The following PRIM2 variants were observed in gnomAD, a reference collection of about 807,000 sequenced individuals.
The protein encoded by PRIM2 is DNA primase subunit 2.
A neutral mutation model predicts 67.3 loss-of-function variants in PRIM2; 39 were observed. That is an observed-to-expected ratio of 0.58 (90% CI 0.45 to 0.76). The LOEUF (loss-of-function observed/expected upper bound fraction) is 0.76. PRIM2 is among the 30% of genes least tolerant of loss of function. PRIM2 has a pLI of 0.00. For synonymous variants in PRIM2, 143 were observed against 198.7 expected (o/e 0.72, Z 2.36); for missense variants, 398 against 598.7 (o/e 0.66, Z 3.50).
At position 57,620,796 on chromosome 6, in the gene PRIM2, T is replaced by C. The variant is rs1472290759; in HGVS notation, c.1231-11337T>C. ...AAAAGGTACAGAACTGCAGAATGCA[T>C]GAGAACTCATCAACCAACAATCTGC... On this transcript the variant is annotated intron_variant, in intron 12 of 13. Transcript: ENST00000615550. Among the ~76,000 whole-genome samples, 3 of 152,250 alleles carry C rather than the reference T, an allele frequency of 2.0e-5. No individual in the cohort carries two copies. In the East Asian group the frequency reaches 5.8e-4, roughly 29 times the overall value.
At chr6:57,465,039 C>T (rs1773140282) in intron 7 of PRIM2, among the ~76,000 whole-genome samples, 1 of 152,118 alleles carries the variant, frequency 6.6e-6, no homozygotes, top group Admixed American at 6.5e-5. Context: ...AAGTCAGGAG[C>T]TTGCTGTAAC....
chr6:57,418,914 C>T (rs1771371798), intron 7 of PRIM2, among the ~76,000 whole-genome samples: 1 of 151,952 alleles, frequency 6.6e-6, no homozygotes, highest in African/African-American at 2.4e-5. Flanking sequence ...GGCTGATGGA[C>T]AAATTGTAGG....
At chr6:57,409,291 T>A (rs1164219092) in intron 7 of PRIM2, among the ~76,000 whole-genome samples, 5 of 152,110 alleles carry the variant, frequency 3.3e-5, no homozygotes, top group African/African-American at 1.2e-4. Flanking sequence ...TTCTTCTGCC[T>A]CGGCCTCCCA....
At chr6:57,330,642 A>G (rs774448103) in intron 5 of PRIM2, among the ~76,000 whole-genome samples, 26 of 152,250 alleles carry the variant, frequency 1.7e-4, no homozygotes, top group Non-Finnish European at 3.1e-4. Flanking sequence ...TTGTCCAGCT[A>G]GAATCTCCAG....
intron 13 of PRIM2, among the ~76,000 whole-genome samples, chr6:57,639,722 T>C (rs1452065685): frequency 1.3e-5 from 2 of 149,370 alleles, no homozygotes; most frequent in Non-Finnish European, 3.0e-5. Context: ...TAACAGGTTC[T>C]GAAACTGAGG....
chr6:57,332,121 T>C (rs1768074811), intron 5 of PRIM2, among the ~76,000 whole-genome samples: 1 of 152,142 alleles, frequency 6.6e-6, no homozygotes, highest in South Asian at 2.1e-4. Context: ...TATTTCAAAG[T>C]ATTCTTTTTT....
chr6:57,232,539 ACT>A, the PRIM2 span, among the ~76,000 whole-genome samples: 1 of 152,058 alleles, frequency 6.6e-6, no homozygotes, highest in Non-Finnish European at 1.5e-5. Context: ...ACAGAGTAAG[ACT>A]CTGTCAAAAA....
chr6:57,484,582 T>A (rs2127406854), intron 7 of PRIM2, among the ~76,000 whole-genome samples: 1 of 152,316 alleles, frequency 6.6e-6, no homozygotes, highest in African/African-American at 2.4e-5. Flanking sequence ...TTCTTTGTTC[T>A]TTTTTAGCCA....
intron 10 of PRIM2, 28 bp downstream of exon 10, chr6:57,537,653 G>C: frequency 7.7e-7 from 1 of 1,302,676 alleles, no homozygotes; most frequent in Non-Finnish European, 1.0e-6. Flanking sequence ...TATCAGAGTG[G>C]TACCTGATAT....
rs570710852 is a variant in PRIM2 at position 57,318,501 on chromosome 6, A to G, written c.56A>G (p.Asn19Ser). ...CTGAGGTTGGCAGGTGACCAGAGGA[A>G]TGCTTCCTACCCTCATTGCCTTCAG... ...RKLRLAGDQR[N>S]ASYPHCLQFY... is the part of the protein sequence containing the mutation. Residue 19 changes from asparagine to serine, a missense_variant, in exon 2 of 14, where the codon AAT (asparagine) becomes AGT (serine). Asn to Ser is a conservative substitution (Grantham distance 46). This residue lies in a region of PRIM2 where 96 missense variants were observed against 98.3 expected (regional missense o/e 0.98). Transcript: ENST00000615550. 56 of 1,609,052 alleles carry G rather than the reference A, an allele frequency of 3.5e-5. No homozygotes were observed. The South Asian group carries it at 5.9e-4, about 17-fold the overall frequency.
chr6:57,568,188 A>T (rs1212950049), intron 10 of PRIM2, among the ~76,000 whole-genome samples: 6 of 152,188 alleles, frequency 3.9e-5, no homozygotes, highest in Admixed American at 3.9e-4. Context: ...GTATTTGACC[A>T]CATAAATCAG....
At chr6:57,348,914 T>G (rs1433335000) in intron 5 of PRIM2, among the ~76,000 whole-genome samples, 1 of 152,012 alleles carries the variant, frequency 6.6e-6, no homozygotes, top group Non-Finnish European at 1.5e-5. Flanking sequence ...GACCAGCTAA[T>G]TTTTGTATTT....
At chr6:57,239,491 T>G in the PRIM2 span, among the ~76,000 whole-genome samples, 11 of 152,266 alleles carry the variant, frequency 7.2e-5, no homozygotes, top group African/African-American at 2.6e-4. Context: ...TTTCAGCACT[T>G]TGGGAGGCAA....
the PRIM2 span, among the ~76,000 whole-genome samples, chr6:57,255,845 T>C: frequency 6.6e-6 from 1 of 152,212 alleles, no homozygotes; most frequent in Non-Finnish European, 1.5e-5. Context: ...AGGAATGGCA[T>C]AATTTATATT....
At position 57,534,894 on chromosome 6, in the gene PRIM2, G is replaced by T. The variant is rs1393287571; in HGVS notation, c.834+2411G>T. 2.1e-3 allele frequency among the ~76,000 whole-genome samples: 317 copies of T among 152,152 alleles called. 1 individual carries two copies. Among genetic ancestry groups the T allele is most frequent in the Admixed American group, 3.3e-3 (51 of 15,294 alleles). On this transcript the variant is annotated intron_variant, in intron 9 of 13. Transcript: ENST00000615550. The stretch of plus-strand genomic sequence containing the variant: ...CCATCTCCTCAAAAAGGCTTCCCTG[G>T]CCACCCAAATTGAAGTACCTCTCCC...
the PRIM2 span, among the ~76,000 whole-genome samples, chr6:57,280,666 C>T: frequency 2.8e-4 from 42 of 152,182 alleles, no homozygotes; most frequent in African/African-American, 7.2e-4. Flanking sequence ...TGTGCTACCA[C>T]GCCTGGCTAA....
At chr6:57,624,981 C>T (rs1776923081) in intron 12 of PRIM2, among the ~76,000 whole-genome samples, 1 of 152,120 alleles carries the variant, frequency 6.6e-6, no homozygotes, top group South Asian at 2.1e-4. Flanking sequence ...AGGGGTTTCC[C>T]CTACAAAACC....
At chr6:57,374,939 T>A (rs1429897138) in intron 5 of PRIM2, among the ~76,000 whole-genome samples, 3 of 152,280 alleles carry the variant, frequency 2.0e-5, no homozygotes, top group Admixed American at 6.5e-5. Flanking sequence ...TTTGCTGAAG[T>A]TGCTTATTAG....
chr6:57,603,294 C>G (rs1776503382), intron 11 of PRIM2, among the ~76,000 whole-genome samples: 3 of 152,110 alleles, frequency 2.0e-5, no homozygotes. Context: ...AGGATTTTCC[C>G]CAGTCATGTC....
Sources: allele counts gnomAD v4.1 joint callset (sites outside exome capture counted in the v4.1 genomes callset), GRCh38; gene constraint gnomAD v4.1.1; regional missense constraint gnomAD v4.1.1; transcripts MANE v1.5; gene names NCBI Gene and HGNC (gene_info 2026-07-23, HGNC 2026-07-21).